The following KLB variants were observed in gnomAD, a reference collection of about 807,000 sequenced individuals.
KLB encodes beta-klotho.
Under a neutral mutation model 88.4 loss-of-function variants are expected in KLB, and 44 were observed. The ratio of observed to expected loss-of-function variants is 0.50; its 90% CI spans 0.39 to 0.64. The LOEUF (loss-of-function observed/expected upper bound fraction) is 0.64. Among genes scored for constraint, KLB ranks in the 30% least tolerant of loss-of-function variants. The pLI is 0.00. For synonymous variants in KLB, 548 were observed against 513.4 expected, an observed-to-expected ratio of 1.07 and a Z score of -0.91; for missense variants, 1,137 against 1,304.8, an observed-to-expected ratio of 0.87 and a Z score of 1.98.
In KLB at chr4:39,450,750, GT is replaced by G. The variant is rs1251549628; in HGVS notation, c.*2070del. ...TCACTTAAAACAATCACTTGGCTGG[GT>G]TTTTTCCCCTTTGTGCCACATTGAT... On this transcript the variant is annotated 3_prime_UTR_variant, in exon 5 of 5. Coordinates refer to ENST00000257408, the MANE Select transcript of KLB (RefSeq NM_175737.4). The G allele has an allele frequency of 6.6e-6, 1 of 151,528 alleles. No individual in the cohort carries two copies. Among genetic ancestry groups the G allele is most frequent in the African/African-American group, 2.4e-5 (1 of 41,198 alleles). The allele number at this position is 151,528 out of a possible 1,614,324, so 9.4% of individuals were successfully genotyped here. A position where few individuals can be genotyped will look rare whatever the true frequency, so the allele number is the denominator to read the frequency against.
chr4:39,447,074 C>T lies in KLB; in HGVS notation c.2348C>T (p.Pro783Leu). Residue 783 changes from proline (P) to leucine (L), a missense_variant, in exon 4 of 5, where the codon CCC becomes CTC. Coordinates refer to ENST00000257408, the MANE Select transcript of KLB (RefSeq NM_175737.4). ...AEPLFKTGDY[P>L]AAMREYIASK... is the part of the protein sequence containing the mutation. ...CCGCTCTTCAAGACCGGGGACTACCCCGCGGCCATGAGGGAATACATTGCC... is the reference window on the plus strand; with the variant it reads ...CCGCTCTTCAAGACCGGGGACTACCTCGCGGCCATGAGGGAATACATTGCC... 3.1e-6 allele frequency: 5 copies of T among 1,612,990 alleles called. No individual in the cohort carries two copies. Among genetic ancestry groups the T allele is most frequent in the Non-Finnish European group, 4.2e-6 (5 of 1,179,964 alleles).
chr4:39,448,326 C>A lies in KLB; in HGVS notation c.2775C>A (p.Ile925=). 1 of 1,602,824 alleles carries A rather than the reference C, an allele frequency of 6.2e-7. No individual in the cohort carries two copies. Among genetic ancestry groups the A allele is most frequent in the South Asian group, 1.1e-5 (1 of 89,828 alleles). Residue 925 remains isoleucine, a synonymous_variant, in exon 5 of 5, where the codon ATC becomes ATA. Transcript: ENST00000257408. The stretch of plus-strand genomic sequence containing the variant: ...CATACCTGATTGATAAAGTCAGAAT[C>A]AAAGGCTATTATGCATTCAAACTGG... ...LKAYLIDKVR[I]KGYYAFKLAE...
chr4:39,421,807 T>C (rs1743091481), intron 1 of KLB, among the ~76,000 whole-genome samples: 1 of 150,468 alleles, frequency 6.6e-6, no homozygotes, highest in East Asian at 1.9e-4. Flanking sequence ...AGCTCAGTGG[T>C]GCGATCAGCT....
At chr4:39,416,108 G>GAC (rs34831449) in intron 1 of KLB, among the ~76,000 whole-genome samples, 19,999 of 142,938 alleles carry the variant, frequency 0.14, 1,429 homozygotes, top group African/African-American at 0.2. Flanking sequence ...GTAGATTGCA[G>GAC]ACACACACAC....
intron 1 of KLB, among the ~76,000 whole-genome samples, chr4:39,431,165 AGCAATCTTCCCACCTTGGCC>A (rs1743351884): frequency 6.6e-6 from 1 of 150,774 alleles, no homozygotes; most frequent in African/African-American, 2.4e-5. Context: ...CCTGAGCTCA[AGCAATCTTCCCACCTTGGCC>A]TCCCAAAGTG....
At chr4:39,419,707 C>T (rs1289717605) in intron 1 of KLB, among the ~76,000 whole-genome samples, 3 of 145,436 alleles carry the variant, frequency 2.1e-5, no homozygotes, top group Non-Finnish European at 3.0e-5. Flanking sequence ...GCCCAGAAGG[C>T]GGAGGTTGCA....
Position 39,446,187 on chromosome 4 carries a change from T to A in KLB, c.1606-145T>A, listed in dbSNP as rs532676493. ...TGGGTGTGGCTCCTTCTCTGTTTTC[T>A]GGTCTCCTTGGGAGATTTCAAGGGC... On this transcript the variant is annotated intron_variant, in intron 3 of 4. Transcript: ENST00000257408. This position sits in a 1 kb window ranked among gnomAD's most constrained non-coding sequence, Gnocchi z 6.4. 1.2e-5 allele frequency: 8 copies of A among 685,250 alleles called. No homozygotes were observed. The highest frequency in any genetic ancestry group is 1.9e-5 in the Non-Finnish European group (8 of 416,140). The allele number at this position is 685,250 out of a possible 1,614,324, so 42.4% of individuals were successfully genotyped here. A position where few individuals can be genotyped will look rare whatever the true frequency, so the allele number is the denominator to read the frequency against.
chr4:39,413,122 G>A (rs1025225351), intron 1 of KLB, among the ~76,000 whole-genome samples: 9 of 152,032 alleles, frequency 5.9e-5, no homozygotes, highest in East Asian at 1.9e-4. Flanking sequence ...TTTCTTCCTC[G>A]GGTTGTGTCA....
intron 3 of KLB, among the ~76,000 whole-genome samples, chr4:39,439,559 CAGTTCAAACGATTCTCCTGCCTCCCT>C (rs1223408655): frequency 1.4e-4 from 21 of 151,850 alleles, no homozygotes; most frequent in East Asian, 5.8e-4. Flanking sequence ...TCTGCCTCCC[CAGTTCAAACGATTCTCCTGCCTCCCT>C]AGTTCAAACG....
chr4:39,407,852 C>A (rs1226421971), intron 1 of KLB, 78 bp downstream of exon 1: 3 of 844,830 alleles, frequency 3.6e-6, no homozygotes, highest in Non-Finnish European at 3.5e-6. Flanking sequence ...CTCAGTAATT[C>A]TCTTCACTGA....
Position 39,446,925 on chromosome 4 carries a change from A to G in KLB, c.2199A>G (p.Ser733=), listed in dbSNP as rs746273211. 16 of 1,604,342 alleles carry G rather than the reference A, an allele frequency of 1.0e-5. No homozygotes were observed. Among genetic ancestry groups the G allele is most frequent in the Admixed American group, 3.3e-5 (2 of 59,806 alleles). The part of the protein sequence containing the change: ...WRLYDRQFRP[S]QRGAVSLSLH... ...TCTACGACCGGCAGTTCAGGCCCTCACAGCGCGGGGCCGTGTCGCTGTCGC... is the reference window on the plus strand; with the variant it reads ...TCTACGACCGGCAGTTCAGGCCCTCGCAGCGCGGGGCCGTGTCGCTGTCGC... The change falls in exon 4 of 5, where the codon TCA becomes TCG. Residue 733 remains serine (S), a synonymous_variant. Coordinates refer to ENST00000257408, the MANE Select transcript of KLB (RefSeq NM_175737.4). This position sits in a 1 kb window ranked among gnomAD's most constrained non-coding sequence, Gnocchi z 6.4.
intron 1 of KLB, among the ~76,000 whole-genome samples, chr4:39,422,356 A>G (rs572934234): frequency 6.6e-6 from 1 of 152,038 alleles, no homozygotes; most frequent in South Asian, 2.1e-4. Context: ...GAACAAAATG[A>G]CCTCTGAGGT....
intron 1 of KLB, among the ~76,000 whole-genome samples, chr4:39,431,265 C>T (rs1026609226): frequency 1.3e-5 from 2 of 150,490 alleles, no homozygotes; most frequent in African/African-American, 2.4e-5. Flanking sequence ...TTTTTTGAAA[C>T]GGAGTTTCAC....
At chr4:39,430,536 A>G (rs1441774477) in intron 1 of KLB, among the ~76,000 whole-genome samples, 1 of 151,512 alleles carries the variant, frequency 6.6e-6, no homozygotes, top group African/African-American at 2.4e-5. Context: ...CAGAAGTTGC[A>G]ATCTCAGGTT....
chr4:39,425,008 A>C (rs938691589), intron 1 of KLB, among the ~76,000 whole-genome samples: 2 of 152,222 alleles, frequency 1.3e-5, no homozygotes, highest in South Asian at 2.1e-4. Flanking sequence ...AGACCATTTT[A>C]GCTTCAGTTA....
At chr4:39,429,585 A>G (rs537937187) in intron 1 of KLB, among the ~76,000 whole-genome samples, 2 of 152,340 alleles carry the variant, frequency 1.3e-5, no homozygotes, top group South Asian at 4.1e-4. Flanking sequence ...TCTAAAGAAC[A>G]AAGGTTGAAG....
chr4:39,422,429 A>G (rs375854581), intron 1 of KLB, among the ~76,000 whole-genome samples: 19 of 152,174 alleles, frequency 1.2e-4, no homozygotes, highest in African/African-American at 4.3e-4. Flanking sequence ...GGCCTGATTC[A>G]CCTTGTGCAA....
chr4:39,435,253 G>A (rs954123447), intron 2 of KLB, among the ~76,000 whole-genome samples: 1 of 151,876 alleles, frequency 6.6e-6, no homozygotes, highest in African/African-American at 2.4e-5. Flanking sequence ...GAGTAGCTGG[G>A]ATTACAGGTG....
chr4:39,433,284 C>T (rs977719594), intron 1 of KLB, among the ~76,000 whole-genome samples: 3 of 152,188 alleles, frequency 2.0e-5, no homozygotes, highest in Admixed American at 6.5e-5. Context: ...GAACTTCAAG[C>T]CTAGGTGTGC....
Sources: gnomAD v4.1 joint callset for allele counts (sites outside exome capture counted in the v4.1 genomes callset) on GRCh38, gnomAD v4.1.1 for gene constraint, Gnocchi (gnomAD v3.1) non-coding constraint, MANE v1.5 for transcripts, NCBI Gene and HGNC (gene_info 2026-07-23, HGNC 2026-07-21) for gene names.